Variants in PCSK5 observed in about 807,000 individuals in gnomAD.
PCSK5 encodes prohormone convertase 5.
A neutral mutation model predicts 233.2 loss-of-function variants in PCSK5; 129 were observed. The ratio of observed to expected loss-of-function variants is 0.55; its 90% CI spans 0.48 to 0.64. The LOEUF (loss-of-function observed/expected upper bound fraction) is 0.64, where lower values mean the gene tolerates loss of function less well. Ranked by LOEUF, PCSK5 falls within the 30% of genes least tolerant of loss-of-function variation. The pLI is 0.00. For missense variants in PCSK5, 2,076 were observed against 2,430.1 expected, an observed-to-expected ratio of 0.85 and a Z score of 3.06; for synonymous variants, 825 against 879.2, an observed-to-expected ratio of 0.94 and a Z score of 1.09.
At chr9:76,037,653 G>T (rs1828918774) in intron 5 of PCSK5, among the ~76,000 whole-genome samples, 1 of 152,256 alleles carries the variant, frequency 6.6e-6, no homozygotes, top group Non-Finnish European at 1.5e-5. Context: ...GGAAATGTGG[G>T]CTGTGGAAGA....
At chr9:76,082,751 T>C (rs73650430) in intron 7 of PCSK5, among the ~76,000 whole-genome samples, 109 of 152,128 alleles carry the variant, frequency 7.2e-4, no homozygotes, top group African/African-American at 2.3e-3. Flanking sequence ...TTGCAATCGA[T>C]ATTCATCAGC....
chr9:76,085,829 C>A (rs1164054968), intron 7 of PCSK5, among the ~76,000 whole-genome samples: 1 of 152,178 alleles, frequency 6.6e-6, no homozygotes, highest in Non-Finnish European at 1.5e-5. Flanking sequence ...AACCACTTCA[C>A]AGTGAGAGAT....
chr9:76,193,613 G>GAGAC (rs1327946691), intron 20 of PCSK5: 6 of 351,256 alleles, frequency 1.7e-5, no homozygotes, highest in Non-Finnish European at 3.1e-5. Context: ...CAGAACCACA[G>GAGAC]AGACAGTATT....
intron 2 of PCSK5, among the ~76,000 whole-genome samples, chr9:75,963,221 C>T (rs1010294292): frequency 6.6e-6 from 1 of 152,150 alleles, no homozygotes; most frequent in Admixed American, 6.5e-5. Flanking sequence ...AGAGAGATGG[C>T]TCTACTAACA....
At chr9:76,289,492 C>CGCA (rs1368085113) in intron 24 of PCSK5, among the ~76,000 whole-genome samples, 18 of 130,786 alleles carry the variant, frequency 1.4e-4, no homozygotes, top group Middle Eastern at 3.8e-3. Flanking sequence ...CACACACACA[C>CGCA]ACACACACAC....
At chr9:75,917,381 G>A (rs1225284843) in intron 1 of PCSK5, among the ~76,000 whole-genome samples, 7 of 152,230 alleles carry the variant, frequency 4.6e-5, no homozygotes, top group Non-Finnish European at 7.4e-5. Context: ...TGTGTTTTGG[G>A]AACAAGTGTG....
intron 25 of PCSK5, among the ~76,000 whole-genome samples, chr9:76,294,295 C>T (rs1336053215): frequency 6.6e-6 from 1 of 152,026 alleles, no homozygotes; most frequent in Non-Finnish European, 1.5e-5. Flanking sequence ...GTCAATTTCA[C>T]TCCACTCCTC....
chr9:76,203,082 T>A (rs1587754076), intron 20 of PCSK5, among the ~76,000 whole-genome samples: 1 of 152,300 alleles, frequency 6.6e-6, no homozygotes, highest in South Asian at 2.1e-4. Context: ...TAGCTCTCTA[T>A]GTGTCTACAC....
intron 5 of PCSK5, among the ~76,000 whole-genome samples, chr9:76,046,803 G>T (rs562362312): frequency 6.6e-6 from 1 of 151,378 alleles, no homozygotes; most frequent in African/African-American, 2.4e-5. Context: ...TTCATGATCC[G>T]CCCGCCTCGG....
intron 3 of PCSK5, among the ~76,000 whole-genome samples, chr9:76,006,562 G>A (rs17061922): frequency 0.046 from 6,985 of 152,052 alleles, 277 homozygotes; most frequent in East Asian, 0.18. Context: ...CTGTTTTACC[G>A]TTTCTGTCTC....
intron 24 of PCSK5, among the ~76,000 whole-genome samples, chr9:76,282,147 T>TC (rs1188577019): frequency 2.4e-4 from 33 of 135,360 alleles, no homozygotes; most frequent in African/African-American, 9.1e-4. Flanking sequence ...TTTTTTTTTT[T>TC]CGCTCTGTTG....
At chr9:76,054,477 G>A (rs1316055732) in intron 5 of PCSK5, among the ~76,000 whole-genome samples, 1 of 152,110 alleles carries the variant, frequency 6.6e-6, no homozygotes, top group African/African-American at 2.4e-5. Flanking sequence ...AAAGATCTAG[G>A]CAGGGAAGGA....
rs535759528 is a variant in PCSK5, at chr9:76,091,524, C to G, written c.895-4366C>G. 4.6e-5 allele frequency among the ~76,000 whole-genome samples: 7 copies of G among 152,258 alleles called. No individual in the cohort carries two copies. In the South Asian group the frequency reaches 1.4e-3, roughly 32 times the overall value. ...GAACACAGTTCAGTCCACAGCACAC[C>G]TTCGGGACTGTTCTGGTGTCTTCTA... On this transcript the variant is annotated intron_variant, in intron 7 of 37. Transcript: ENST00000674117.
At chr9:75,913,580 C>A (rs1485123560) in intron 1 of PCSK5, among the ~76,000 whole-genome samples, 1 of 152,112 alleles carries the variant, frequency 6.6e-6, no homozygotes, top group Non-Finnish European at 1.5e-5. Context: ...TATGAGATAC[C>A]TTCCAATGAG....
chr9:76,035,123 A>G (rs1408431677), intron 5 of PCSK5, among the ~76,000 whole-genome samples: 1 of 152,170 alleles, frequency 6.6e-6, no homozygotes, highest in African/African-American at 2.4e-5. Context: ...AATTCTTCTC[A>G]GGTTATCTAT....
At chr9:76,107,519 A>G (rs1352780984) in intron 9 of PCSK5, among the ~76,000 whole-genome samples, 168 bp downstream of exon 9, 1 of 152,218 alleles carries the variant, frequency 6.6e-6, no homozygotes, top group African/African-American at 2.4e-5. Flanking sequence ...ATTCCCCTAT[A>G]TTAAGAAGAA....
At chr9:76,113,807 G>A (rs914983454) in intron 9 of PCSK5, among the ~76,000 whole-genome samples, 1 of 152,060 alleles carries the variant, frequency 6.6e-6, no homozygotes, top group East Asian at 1.9e-4. Flanking sequence ...AGTATAAAAT[G>A]TCTCATTAAA....
intron 20 of PCSK5, among the ~76,000 whole-genome samples, chr9:76,208,019 T>C (rs879493582): frequency 6.6e-6 from 1 of 152,146 alleles, no homozygotes; most frequent in African/African-American, 2.4e-5. Flanking sequence ...AAAGCGTACA[T>C]GTGTCAGAGA....
intron 10 of PCSK5, among the ~76,000 whole-genome samples, chr9:76,148,343 TTC>T (rs1334149118): frequency 7.1e-6 from 1 of 139,924 alleles, no homozygotes; most frequent in Non-Finnish European, 1.5e-5. Context: ...GGGAGGGAGT[TTC>T]TCTCTCCCTC....
Sources: gnomAD v4.1 joint callset for allele counts (sites outside exome capture counted in the v4.1 genomes callset) on GRCh38, gnomAD v4.1.1 for gene constraint, MANE v1.5 for transcripts, NCBI Gene and HGNC (gene_info 2026-07-23, HGNC 2026-07-21) for gene names.